The following SMCO2 variants were observed in gnomAD, a reference collection of about 807,000 sequenced individuals.
The protein encoded by SMCO2 is single-pass membrane protein with coiled-coil domains 2.
A neutral mutation model predicts 29.5 loss-of-function variants in SMCO2; 25 were observed. That is an observed-to-expected ratio of 0.85 (90% CI 0.62 to 1.18). The LOEUF is 1.18. Among genes scored for constraint, SMCO2 ranks in the 50% most tolerant of loss-of-function variants. SMCO2 has a pLI of 0.00. For missense variants in SMCO2, 348 were observed against 344.5 expected (o/e 1.01, Z -0.08); for synonymous variants, 117 against 123.3 (o/e 0.95, Z 0.34).
At chr12:27,494,145 A>G (rs562604988) in intron 5 of SMCO2, 155 bp from the exon 7 acceptor site, 1 of 469,126 alleles carries the variant, frequency 2.1e-6, no homozygotes, top group African/African-American at 2.1e-5. Flanking sequence ...ATTTATGATT[A>G]CACTATGAAT....
chr12:27,477,814 A>C (rs1949603376), intron 4 of SMCO2, among the ~76,000 whole-genome samples: 1 of 150,910 alleles, frequency 6.6e-6, no homozygotes, highest in Non-Finnish European at 1.5e-5. Flanking sequence ...TGTTTTCTTG[A>C]CTTCTTTGTA....
the SMCO2 span, among the ~76,000 whole-genome samples, chr12:27,461,034 C>T: frequency 1.8e-3 from 279 of 152,264 alleles, no homozygotes; most frequent in African/African-American, 6.6e-3. Flanking sequence ...CTTTTCTTTC[C>T]TCCTTTCTGA....
At chr12:27,484,869 AAAATAT>A (rs1332082917) in intron 4 of SMCO2, among the ~76,000 whole-genome samples, 6 of 103,818 alleles carry the variant, frequency 5.8e-5, no homozygotes, top group Admixed American at 2.0e-4. Flanking sequence ...AAAAAAAAAA[AAAATAT>A]ATATATATAT....
the SMCO2 span, chr12:27,424,032 T>C: frequency 6.6e-6 from 1 of 152,238 alleles, no homozygotes; most frequent in African/African-American, 2.4e-5. Flanking sequence ...AATTTTATAT[T>C]AATTACATGT....
chr12:27,427,382 C>T, the SMCO2 span, among the ~76,000 whole-genome samples: 1 of 152,146 alleles, frequency 6.6e-6, no homozygotes, highest in Non-Finnish European at 1.5e-5. Context: ...GGCCTGGGGA[C>T]CACACTTTGA....
the SMCO2 span, among the ~76,000 whole-genome samples, chr12:27,459,412 G>A: frequency 6.6e-6 from 1 of 152,056 alleles, no homozygotes; most frequent in East Asian, 1.9e-4. Context: ...ACAAGTGGGA[G>A]CTAAACATCA....
chr12:27,495,618 T>G, intron 6 of SMCO2, 62 bp from the exon 8 acceptor site: 1 of 1,378,232 alleles, frequency 7.3e-7, no homozygotes, highest in East Asian at 2.5e-5. Context: ...CAGCATTATC[T>G]ATAGTAAGAC....
chr12:27,490,739 C>T (rs1486628949), intron 5 of SMCO2, among the ~76,000 whole-genome samples: 2 of 152,052 alleles, frequency 1.3e-5, no homozygotes, highest in Non-Finnish European at 1.5e-5. Context: ...AGACCAGCCA[C>T]GGCAACATAG....
At chr12:27,461,817 A>G (rs918377581), upstream of SMCO2, among the ~76,000 whole-genome samples, 1 of 152,146 alleles carries the variant, frequency 6.6e-6, no homozygotes, top group African/African-American at 2.4e-5. Flanking sequence ...CCTCTTCTTC[A>G]TTCATCAGAA....
At chr12:27,425,123 G>A in the SMCO2 span, 2 of 152,038 alleles carry the variant, frequency 1.3e-5, no homozygotes, top group African/African-American at 2.4e-5. Context: ...CTTGAGTTTA[G>A]ATTTGTCTTT....
the SMCO2 span, among the ~76,000 whole-genome samples, chr12:27,449,820 C>G: frequency 2.6e-5 from 4 of 152,186 alleles, no homozygotes; most frequent in Non-Finnish European, 4.4e-5. Flanking sequence ...CCAGTTTTCC[C>G]CCATTAGAGA....
chr12:27,500,900 G>C (rs949771829), intron 7 of SMCO2, among the ~76,000 whole-genome samples: 5 of 150,606 alleles, frequency 3.3e-5, no homozygotes, highest in Non-Finnish European at 5.9e-5. Flanking sequence ...TCCATGGCTA[G>C]CTTTAACTAT....
chr12:27,428,843 C>T, the SMCO2 span, among the ~76,000 whole-genome samples: 9 of 89,776 alleles, frequency 1.0e-4, no homozygotes, highest in African/African-American at 3.3e-4. Context: ...TTTTACAAAA[C>T]TACACTAAAA....
At chr12:27,501,754 A>T (rs1592223207) in intron 7 of SMCO2, among the ~76,000 whole-genome samples, 169 bp from the exon 9 acceptor site, 1 of 150,672 alleles carries the variant, frequency 6.6e-6, no homozygotes, top group African/African-American at 2.5e-5. Context: ...TAGCATGAAC[A>T]TAAATAAGTG....
At chr12:27,438,834 A>G in the SMCO2 span, among the ~76,000 whole-genome samples, 1 of 149,440 alleles carries the variant, frequency 6.7e-6, no homozygotes, top group Admixed American at 6.8e-5. Flanking sequence ...CACCAGCAAC[A>G]AACCAGAGCT....
intron 2 of SMCO2, among the ~76,000 whole-genome samples, chr12:27,472,010 G>A (rs577424658): frequency 7.2e-5 from 11 of 152,198 alleles, no homozygotes; most frequent in South Asian, 6.2e-4. Context: ...CATTGTTTGT[G>A]ATAGCAAATG....
intron 4 of SMCO2, among the ~76,000 whole-genome samples, chr12:27,477,883 T>A (rs911379278): frequency 1.3e-5 from 2 of 152,200 alleles, no homozygotes; most frequent in Admixed American, 1.3e-4. Context: ...TACTTTGAAT[T>A]CTTTTTCAGG....
chr12:27,502,077 G>A (rs894580846), exon 8 of SMCO2: 1 of 1,543,880 alleles, frequency 6.5e-7, no homozygotes, highest in Non-Finnish European at 8.7e-7. Context: ...GGAGATGAGA[G>A]AGCCTTTCTT....
At chr12:27,447,520 G>A in the SMCO2 span, among the ~76,000 whole-genome samples, 1 of 152,098 alleles carries the variant, frequency 6.6e-6, no homozygotes, top group Non-Finnish European at 1.5e-5. Flanking sequence ...CACCTTGGGA[G>A]GCCAAGGTGG....
Sources: gnomAD v4.1 joint callset for allele counts (sites outside exome capture counted in the v4.1 genomes callset) on GRCh38, gnomAD v4.1.1 for gene constraint, MANE v1.5 for transcripts, NCBI Gene and HGNC (gene_info 2026-07-23, HGNC 2026-07-21) for gene names.